INTS3: variants seen among roughly 807,000 people sequenced by gnomAD.
INTS3 encodes the protein integrator complex subunit 3, also known as SOSS complex subunit A.
In INTS3, 34 loss-of-function variants were observed where a neutral mutation model predicts 146.3. The observed-to-expected ratio is 0.23, with a 90% CI of 0.18 to 0.31. INTS3 has a LOEUF of 0.31. Among genes scored for constraint, INTS3 ranks in the 10% least tolerant of loss-of-function variants. The probability of loss-of-function intolerance (pLI) is 1.00; values close to 1 mark genes in which losing one functional copy is unlikely to be tolerated. For missense variants in INTS3, 757 were observed against 1,304.2 expected, an observed-to-expected ratio of 0.58 and a Z score of 6.46; for synonymous variants, 475 against 494.9, an observed-to-expected ratio of 0.96 and a Z score of 0.53.
chr1:153,757,973 T>C lies in INTS3; in HGVS notation c.1149+210T>C, dbSNP rs1399272827. Among the ~76,000 whole-genome samples, 1 of 152,182 alleles carries C rather than the reference T, an allele frequency of 6.6e-6. No homozygotes were observed. Among genetic ancestry groups the C allele is most frequent in the African/African-American group, 2.4e-5 (1 of 41,446 alleles). On this transcript the variant is annotated intron_variant, in intron 10 of 29. Transcript: ENST00000318967. This position sits in a 1 kb window ranked among gnomAD's most constrained non-coding sequence, Gnocchi z 4.0. The stretch of plus-strand genomic sequence containing the variant: ...CCATCTGGGTTTGAGATTGAACAGG[T>C]TCATCTCCCCCATTACTGCCAACCC...
intron 5 of INTS3, chr1:153,748,284 G>A (rs1570852312): frequency 4.1e-6 from 1 of 242,584 alleles, no homozygotes; most frequent in East Asian, 9.7e-5. Flanking sequence ...GGGCCTCAGT[G>A]CAGGACTCAG....
rs146324972 is a variant in INTS3 at position 153,764,171 on chromosome 1, C to T, written c.1875C>T (p.Leu625=). Residue 625 remains leucine (L), a synonymous_variant, in exon 18 of 30, where the codon CTC becomes CTT. Transcript: ENST00000318967. The stretch of plus-strand genomic sequence containing the variant: ...TCCTTGCTTCCTGCCTACAGGAGCT[C>T]TTCAAGGCCCACTTTCGAGGGGAGG... ...LSVLASCLQE[L]FKAHFRGEVL... is the part of the protein sequence containing the mutation. 3 of 1,613,910 alleles carry T rather than the reference C, an allele frequency of 1.9e-6. No homozygotes were observed. Among genetic ancestry groups the T allele is most frequent in the Non-Finnish European group, 2.5e-6 (3 of 1,179,982 alleles).
chr1:153,739,667 C>T (rs536424177), intron 1 of INTS3, among the ~76,000 whole-genome samples: 2 of 151,920 alleles, frequency 1.3e-5, no homozygotes, highest in South Asian at 4.2e-4. Context: ...CAGGGTTTCA[C>T]CATATTGGCC....
chr1:153,756,301 G>T (rs975497454), intron 9 of INTS3, among the ~76,000 whole-genome samples: 3 of 151,712 alleles, frequency 2.0e-5, no homozygotes, highest in African/African-American at 4.8e-5. Context: ...GGAGGCAGAG[G>T]TTACAGTGAG....
Position 153,767,740 on chromosome 1 carries a change from G to A in INTS3, c.2157G>A (p.Leu719=), listed in dbSNP as rs1379045592. 6.2e-7 allele frequency: 1 copy of A among 1,613,078 alleles called. No individual in the cohort carries two copies. The highest frequency in any genetic ancestry group is 8.5e-7 in the Non-Finnish European group (1 of 1,179,484). Residue 719 remains leucine, a synonymous_variant, in exon 21 of 30, where the codon CTG becomes CTA. Coordinates refer to ENST00000318967, the MANE Select transcript of INTS3 (RefSeq NM_023015.5). The stretch of plus-strand genomic sequence containing the variant: ...CCCAGGCTACCCAGCTGGGCGATCT[G>A]CACACCTGCCTGATGATGGACATGA... The part of the protein sequence containing the change: ...SFAQATQLGD[L]HTCLMMDMKA...
At chr1:153,729,176 G>T (rs1670972709) in intron 1 of INTS3, among the ~76,000 whole-genome samples, 1 of 150,626 alleles carries the variant, frequency 6.6e-6, no homozygotes, top group Non-Finnish European at 1.5e-5. Flanking sequence ...ATGTTTGGGG[G>T]CTGGTAAGAG....
intron 9 of INTS3, among the ~76,000 whole-genome samples, chr1:153,756,032 G>A (rs1300937093): frequency 3.4e-5 from 5 of 147,200 alleles, no homozygotes; most frequent in Non-Finnish European, 7.5e-5. Context: ...AGAGTGAAAC[G>A]CTGTCTCAAA....
In INTS3 at chr1:153,769,817, C is replaced by A; in HGVS notation, c.2362C>A (p.Arg788=). ...HVMMGNLVMF[R]KDSVLNILIQ... is the part of the protein sequence containing the mutation. ...GATGATGGGTAACCTGGTTATGTTT[C>A]GAAAAGACTCAGTTCTCAACATACT... Residue 788 remains arginine, a synonymous_variant, in exon 23 of 30, where the codon CGA becomes AGA. Coordinates refer to ENST00000318967, the MANE Select transcript of INTS3 (RefSeq NM_023015.5). The A allele has an allele frequency of 6.2e-7, 1 of 1,613,102 alleles. No individual in the cohort carries two copies. Among genetic ancestry groups the A allele is most frequent in the South Asian group, 1.1e-5 (1 of 91,038 alleles).
chr1:153,773,136 C>A, intron 29 of INTS3, 55 bp downstream of exon 29: 1 of 1,613,500 alleles, frequency 6.2e-7, no homozygotes, highest in Non-Finnish European at 8.5e-7. Flanking sequence ...CAGGTGGAGT[C>A]GGCGCCAGCA....
At chr1:153,761,452 G>T in intron 13 of INTS3, 118 bp from the exon 14 acceptor site, 1 of 689,506 alleles carries the variant, frequency 1.5e-6, no homozygotes, top group East Asian at 2.6e-5. Flanking sequence ...GGAGGTTGCA[G>T]TGAGCCGAGA....
intron 1 of INTS3, among the ~76,000 whole-genome samples, chr1:153,731,917 T>TTC (rs944623272): frequency 3.0e-5 from 4 of 131,614 alleles, no homozygotes; most frequent in African/African-American, 1.2e-4. Flanking sequence ...TTTTTTTTTT[T>TTC]TTTTTTTTGA....
At chr1:153,745,208 G>A (rs56724889) in intron 3 of INTS3, among the ~76,000 whole-genome samples, 7 of 148,794 alleles carry the variant, frequency 4.7e-5, no homozygotes, top group African/African-American at 1.8e-4. Flanking sequence ...CCAGGCTGGA[G>A]TGCAGTGGTA....
At chr1:153,755,449 G>A (rs1250383251) in intron 9 of INTS3, among the ~76,000 whole-genome samples, 3 of 152,142 alleles carry the variant, frequency 2.0e-5, no homozygotes, top group South Asian at 2.1e-4. Context: ...TAATAGAGAC[G>A]GGATTTTTCC....
chr1:153,746,901 G>A (rs536443679), intron 3 of INTS3, 56 bp from the exon 4 acceptor site: 3 of 1,055,418 alleles, frequency 2.8e-6, no homozygotes, highest in East Asian at 4.8e-5. Flanking sequence ...CACTGTGGGT[G>A]GGGTGAGGAC....
intron 6 of INTS3, 152 bp downstream of exon 6, chr1:153,748,907 G>C: frequency 1.4e-6 from 1 of 696,980 alleles, no homozygotes; most frequent in East Asian, 2.5e-5. Context: ...TGTATTGTTG[G>C]CAAGTGAAGA....
At position 153,728,592 on chromosome 1, in the gene INTS3, A is replaced by T. The variant is rs1670945384; in HGVS notation, c.-43A>T. 2.6e-6 allele frequency: 4 copies of T among 1,568,550 alleles called. No homozygotes were observed. In the African/African-American group the frequency reaches 5.6e-5, roughly 22 times the overall value. On this transcript the variant is annotated 5_prime_UTR_variant, in exon 1 of 30. Coordinates refer to ENST00000318967, the MANE Select transcript of INTS3 (RefSeq NM_023015.5). ...GAGATCCCGATATCTAGGACTGTCC[A>T]TCCATCCACTCCCTGACCTTTTCCC...
At position 153,734,616 on chromosome 1, in the gene INTS3, G is replaced by T. The variant is rs148161335; in HGVS notation, c.150+5832G>T. On this transcript the variant is annotated intron_variant, in intron 1 of 29. Transcript: ENST00000318967. ...AGCAGAGCTCACGGGAGCTAGGGAA[G>T]GGGCCTAGAGAAACTGTTCAACCCA... is the stretch of plus-strand genomic sequence containing the variant. Among the ~76,000 whole-genome samples, 454 of 152,312 alleles carry T rather than the reference G, an allele frequency of 3.0e-3. 4 individuals are homozygous for T. The highest frequency in any genetic ancestry group is 0.011 in the African/African-American group (438 of 41,554).
chr1:153,760,975 G>A, intron 13 of INTS3, 57 bp downstream of exon 13: 1 of 1,579,896 alleles, frequency 6.3e-7, no homozygotes, highest in East Asian at 2.2e-5. Context: ...AGGTCCAGGT[G>A]TATCCAAATG....
intron 7 of INTS3, 166 bp from the exon 8 acceptor site, chr1:153,752,113 C>G (rs1428576842): frequency 4.1e-6 from 3 of 733,676 alleles, no homozygotes; most frequent in Non-Finnish European, 2.3e-6. Context: ...CTCTCTTCCC[C>G]TGAACAGCTA....
Sources: allele counts gnomAD v4.1 joint callset (sites outside exome capture counted in the v4.1 genomes callset), GRCh38; gene constraint gnomAD v4.1.1; non-coding constraint Gnocchi (gnomAD v3.1); transcripts MANE v1.5; gene names NCBI Gene and HGNC (gene_info 2026-07-23, HGNC 2026-07-21).